The following CSMD2 variants were observed in gnomAD, a reference collection of about 807,000 sequenced individuals.
CSMD2 encodes CUB and sushi domain-containing protein 2.
A neutral mutation model predicts 398.5 loss-of-function variants in CSMD2; 130 were observed. The observed-to-expected ratio is 0.33, with a 90% CI of 0.28 to 0.38. The LOEUF is 0.38. Ranked by LOEUF, CSMD2 falls within the 10% of genes least tolerant of loss-of-function variation. The probability of loss-of-function intolerance (pLI) is 1.00; values close to 1 mark genes in which losing one functional copy is unlikely to be tolerated. For synonymous variants in CSMD2, 1,828 were observed against 1,908.5 expected (o/e 0.96, Z 1.10); for missense variants, 3,829 against 4,764.9 (o/e 0.80, Z 5.78).
At position 34,125,536 on chromosome 1, in the gene CSMD2, T is replaced by TGC. The variant is rs1294135360; in HGVS notation, c.188-36344_188-36343insGC. Among the ~76,000 whole-genome samples the TGC allele has an allele frequency of 5.2e-3, 789 of 151,438 alleles. 2 individuals carry two copies. Among genetic ancestry groups the TGC allele is most frequent in the South Asian group, 6.9e-3 (33 of 4,770 alleles). ...GTGTGTGTGTGTGTGTGTGTGTGTG[T>TGC]GTGTGTGTGTGTGTGTTGGCAGCAA... On this transcript the variant is annotated intron_variant, in intron 1 of 70. Transcript: ENST00000373381.
At chr1:33,914,316 G>A (rs1643613043) in intron 5 of CSMD2, among the ~76,000 whole-genome samples, 2 of 152,080 alleles carry the variant, frequency 1.3e-5, no homozygotes. Flanking sequence ...GTGGTCTGGG[G>A]GTGAGGGATG....
intron 3 of CSMD2, among the ~76,000 whole-genome samples, chr1:34,017,096 G>A (rs1483474568): frequency 6.6e-6 from 1 of 152,170 alleles, no homozygotes; most frequent in Non-Finnish European, 1.5e-5. Flanking sequence ...AGTTTGGAAA[G>A]TATGTTAACA....
chr1:33,547,104 A>G (rs2148616833), intron 56 of CSMD2, among the ~76,000 whole-genome samples: 1 of 152,306 alleles, frequency 6.6e-6, no homozygotes, highest in Non-Finnish European at 1.5e-5. Context: ...AGTGAGCTCT[A>G]GAATAAACAT....
intron 1 of CSMD2, among the ~76,000 whole-genome samples, chr1:34,114,360 C>T (rs181552611): frequency 3.8e-4 from 57 of 149,062 alleles, no homozygotes; most frequent in African/African-American, 1.3e-3. Context: ...ACAAAGCACA[C>T]TTAAAAAAAA....
chr1:34,085,399 T>TAATAATA (rs1553309420), intron 2 of CSMD2, among the ~76,000 whole-genome samples: 3 of 150,360 alleles, frequency 2.0e-5, no homozygotes, highest in South Asian at 2.1e-4. Flanking sequence ...ATAATAATAA[T>TAATAATA]AATAAATAAA....
At position 33,541,123 on chromosome 1, in the gene CSMD2, G is replaced by C; in HGVS notation, c.9457+7C>G. The C allele has an allele frequency of 6.2e-7, 1 of 1,613,484 alleles. No individual in the cohort carries two copies. Among genetic ancestry groups the C allele is most frequent in the Non-Finnish European group, 8.5e-7 (1 of 1,179,700 alleles). On this transcript the variant is annotated splice_region_variant and intron_variant, in intron 59 of 70. Coordinates refer to ENST00000373381, the MANE Select transcript of CSMD2 (RefSeq NM_001281956.2). ...CTCTCTGTCCACATTTGCAGCCCCA[G>C]ACACACCTTTGCAGACGGGCTTGGT...
Position 33,711,338 on chromosome 1 carries a change from G to C in CSMD2, c.3407-2080C>G, listed in dbSNP as rs566367907. Among the ~76,000 whole-genome samples the C allele has an allele frequency of 2.6e-5, 4 of 152,280 alleles. No homozygotes were observed. In the South Asian group the frequency reaches 8.3e-4, roughly 32 times the overall value. On this transcript the variant is annotated intron_variant, in intron 21 of 70. Transcript: ENST00000373381. ...TCTAGGCAGAGGCCTGTGGTGCAGT[G>C]GGATGATCATGGACTTTGGAGTTAG...
chr1:33,808,728 T>C (rs1656514261), intron 10 of CSMD2, among the ~76,000 whole-genome samples: 1 of 151,494 alleles, frequency 6.6e-6, no homozygotes, highest in Non-Finnish European at 1.5e-5. Context: ...AAGAAAGTAA[T>C]AAAGATGAGA....
chr1:33,979,374 TGG>T (rs2147948608), intron 3 of CSMD2, among the ~76,000 whole-genome samples: 1 of 139,628 alleles, frequency 7.2e-6, no homozygotes, highest in East Asian at 1.9e-4. Context: ...TTTGAATTAA[TGG>T]GACAGAGATG....
chr1:34,157,405 T>C (rs1448069265), intron 1 of CSMD2, among the ~76,000 whole-genome samples: 1 of 152,052 alleles, frequency 6.6e-6, no homozygotes, highest in Non-Finnish European at 1.5e-5. Context: ...AATAACCCCA[T>C]CTTATCTCCC....
At chr1:34,092,055 A>G (rs543832652) in intron 1 of CSMD2, among the ~76,000 whole-genome samples, 44 of 152,344 alleles carry the variant, frequency 2.9e-4, no homozygotes, top group Admixed American at 2.4e-3. Flanking sequence ...AATATACAAA[A>G]ATCAGTAACA....
At chr1:34,076,045 G>C (rs552721571) in intron 2 of CSMD2, among the ~76,000 whole-genome samples, 2 of 152,368 alleles carry the variant, frequency 1.3e-5, no homozygotes, top group South Asian at 2.1e-4. Context: ...GGATGTGGTT[G>C]CTTGTGAATA....
At chr1:33,803,942 G>A (rs1343599873) in intron 10 of CSMD2, among the ~76,000 whole-genome samples, 1 of 152,216 alleles carries the variant, frequency 6.6e-6, no homozygotes, top group Non-Finnish European at 1.5e-5. Context: ...CCATCCAGCA[G>A]CACAGCCCAG....
chr1:33,890,564 C>T (rs1641937168), intron 5 of CSMD2, among the ~76,000 whole-genome samples: 2 of 152,030 alleles, frequency 1.3e-5, no homozygotes, highest in South Asian at 4.1e-4. Context: ...TTTGTGGGCT[C>T]TTTTTTTCAG....
At chr1:33,567,534 G>C in intron 53 of CSMD2, 59 bp downstream of exon 53, 1 of 1,556,624 alleles carries the variant, frequency 6.4e-7, no homozygotes. Context: ...TAAGAGACAG[G>C]GAGAAAGTCC....
intron 4 of CSMD2, among the ~76,000 whole-genome samples, chr1:33,934,586 T>C (rs1224715956): frequency 6.6e-6 from 1 of 152,238 alleles, no homozygotes; most frequent in African/African-American, 2.4e-5. Context: ...ATTTGTAATA[T>C]ATGCATATGT....
intron 2 of CSMD2, among the ~76,000 whole-genome samples, chr1:34,063,620 G>T (rs1654773146): frequency 6.6e-6 from 1 of 152,218 alleles, no homozygotes; most frequent in Admixed American, 6.5e-5. Flanking sequence ...GCTTTGCAGG[G>T]TATAGCCCCA....
At chr1:34,126,864 A>G (rs1314736317) in intron 1 of CSMD2, among the ~76,000 whole-genome samples, 1 of 151,918 alleles carries the variant, frequency 6.6e-6, no homozygotes, top group Non-Finnish European at 1.5e-5. Context: ...AGGGACACAG[A>G]GACAGGACCC....
intron 1 of CSMD2, among the ~76,000 whole-genome samples, chr1:34,091,184 C>A (rs1184539110): frequency 6.6e-6 from 1 of 152,160 alleles, no homozygotes; most frequent in Non-Finnish European, 1.5e-5. Flanking sequence ...TCTCACCAGG[C>A]TGAATGCTTC....
Sources: allele counts gnomAD v4.1 joint callset (sites outside exome capture counted in the v4.1 genomes callset), GRCh38; gene constraint gnomAD v4.1.1; transcripts MANE v1.5; gene names NCBI Gene and HGNC (gene_info 2026-07-23, HGNC 2026-07-21).